ERI3: variants seen among roughly 807,000 people sequenced by gnomAD.
ERI3 encodes ERI1 exoribonuclease family member 3, also known as ERI1 exoribonuclease 3.
In ERI3, 18 loss-of-function variants were observed where a neutral mutation model predicts 44.4. That is an observed-to-expected ratio of 0.41 (90% confidence interval 0.28 to 0.60). The LOEUF (loss-of-function observed/expected upper bound fraction) is 0.60. Ranked by LOEUF, ERI3 falls within the 20% of genes least tolerant of loss-of-function variation. The pLI is 0.36. For missense variants in ERI3, 294 were observed against 435.5 expected, an observed-to-expected ratio of 0.68 and a Z score of 2.89; for synonymous variants, 183 against 164.8, an observed-to-expected ratio of 1.11 and a Z score of -0.84.
At chr1:44,270,038 A>G (rs1645059734) in intron 7 of ERI3, among the ~76,000 whole-genome samples, 1 of 152,222 alleles carries the variant, frequency 6.6e-6, no homozygotes, top group South Asian at 2.1e-4. Flanking sequence ...TGGGAGATGG[A>G]AGGCAGGACT....
intron 8 of ERI3, among the ~76,000 whole-genome samples, chr1:44,227,912 G>C (rs1362263224): frequency 2.0e-5 from 3 of 152,148 alleles, no homozygotes; most frequent in Admixed American, 1.3e-4. Flanking sequence ...TTCCCTCAAA[G>C]TGTTGTTAAA....
chr1:44,221,162 G>A lies in ERI3; in HGVS notation c.*396C>T, dbSNP rs908570703. 21 of 286,682 alleles carry A rather than the reference G, an allele frequency of 7.3e-5. 1 individual carries two copies. In the South Asian group the frequency reaches 8.1e-4, roughly 11 times the overall value. The allele number at this position is 286,682 out of a possible 1,614,324, so 17.8% of individuals were successfully genotyped here. ...TGGGGGTAGACACAAGGTGGGGCCT[G>A]ATCTGTCCTGGAGCCCTGGGGGCAC... On this transcript the variant is annotated 3_prime_UTR_variant, in exon 9 of 9. Transcript: ENST00000372257. This position sits in a 1 kb window ranked among gnomAD's most constrained non-coding sequence, Gnocchi z 5.9.
chr1:44,251,914 G>A (rs1054902036), intron 7 of ERI3, among the ~76,000 whole-genome samples: 4 of 152,222 alleles, frequency 2.6e-5, no homozygotes, highest in Non-Finnish European at 5.9e-5. Flanking sequence ...GGGCCCAGAA[G>A]CTTTCTGATC....
chr1:44,317,678 C>A (rs1053214520), intron 4 of ERI3, among the ~76,000 whole-genome samples: 1 of 152,016 alleles, frequency 6.6e-6, no homozygotes, highest in Non-Finnish European at 1.5e-5. Flanking sequence ...CTGATCAGTT[C>A]TATGTTGGAA....
intron 2 of ERI3, among the ~76,000 whole-genome samples, chr1:44,339,804 C>A (rs530601550): frequency 6.6e-6 from 1 of 152,324 alleles, no homozygotes; most frequent in East Asian, 1.9e-4. Context: ...CCACTAGGAG[C>A]CATTTGCCCC....
At chr1:44,229,517 T>C (rs1295376434) in intron 8 of ERI3, among the ~76,000 whole-genome samples, 1 of 152,074 alleles carries the variant, frequency 6.6e-6, no homozygotes, top group Non-Finnish European at 1.5e-5. Flanking sequence ...CCCGCCCTGA[T>C]TGGGATCAGA....
intron 8 of ERI3, among the ~76,000 whole-genome samples, chr1:44,227,858 T>C (rs1271635297): frequency 6.6e-6 from 1 of 152,172 alleles, no homozygotes; most frequent in Non-Finnish European, 1.5e-5. Flanking sequence ...TTGTTTTGGT[T>C]TCTTCTTCTC....
At chr1:44,311,032 A>T (rs1025320410) in intron 5 of ERI3, among the ~76,000 whole-genome samples, 34 of 147,324 alleles carry the variant, frequency 2.3e-4, no homozygotes, top group Non-Finnish European at 4.2e-4. Context: ...GGAATCCATG[A>T]ATCCTTTCCC....
chr1:44,270,580 C>T (rs1645069746), intron 7 of ERI3, among the ~76,000 whole-genome samples: 1 of 152,208 alleles, frequency 6.6e-6, no homozygotes, highest in East Asian at 1.9e-4. Flanking sequence ...GCCCAGAATT[C>T]ACTTCCTCAA....
At chr1:44,227,116 G>A (rs1644064542) in intron 8 of ERI3, among the ~76,000 whole-genome samples, 1 of 152,198 alleles carries the variant, frequency 6.6e-6, no homozygotes, top group Non-Finnish European at 1.5e-5. Flanking sequence ...AGGGTGGCAA[G>A]CTGCTGATCT....
intron 7 of ERI3, among the ~76,000 whole-genome samples, chr1:44,263,773 C>T (rs1644937987): frequency 6.6e-6 from 1 of 152,184 alleles, no homozygotes; most frequent in East Asian, 1.9e-4. Context: ...CACTCTTGCC[C>T]CTCCCCTGGC....
At chr1:44,282,787 CA>C (rs1447880295) in intron 7 of ERI3, among the ~76,000 whole-genome samples, 1 of 152,248 alleles carries the variant, frequency 6.6e-6, no homozygotes, top group Non-Finnish European at 1.5e-5. Flanking sequence ...ACGAGGAAAT[CA>C]CAAGGCCAAC....
At chr1:44,246,146 T>C (rs887763420) in intron 8 of ERI3, among the ~76,000 whole-genome samples, 2 of 152,170 alleles carry the variant, frequency 1.3e-5, no homozygotes, top group African/African-American at 4.8e-5. Context: ...GGCCTGCTTA[T>C]ATCTCTGTTT....
chr1:44,316,878 G>A (rs1415243293), intron 4 of ERI3, among the ~76,000 whole-genome samples: 1 of 152,142 alleles, frequency 6.6e-6, no homozygotes, highest in African/African-American at 2.4e-5. Context: ...AGAGGTCAAA[G>A]GGAAAGGGCT....
chr1:44,319,541 G>A (rs1208541682), intron 4 of ERI3, 87 bp downstream of exon 4: 1 of 843,580 alleles, frequency 1.2e-6, no homozygotes, highest in Non-Finnish European at 2.0e-6. Flanking sequence ...TAAGCCCTAT[G>A]CTTTCTCTAA....
chr1:44,246,777 A>G (rs570960135), intron 8 of ERI3, among the ~76,000 whole-genome samples: 1 of 152,306 alleles, frequency 6.6e-6, no homozygotes, highest in East Asian at 1.9e-4. Flanking sequence ...GAGAACAGAA[A>G]CTTCTACTTA....
At chr1:44,324,560 C>T (rs1351957666) in intron 3 of ERI3, among the ~76,000 whole-genome samples, 1 of 144,450 alleles carries the variant, frequency 6.9e-6, no homozygotes, top group Non-Finnish European at 1.5e-5. Context: ...TGGCTCACTG[C>T]AAGCTCTGCC....
chr1:44,293,933 C>A (rs1645559470), intron 6 of ERI3, among the ~76,000 whole-genome samples: 1 of 152,178 alleles, frequency 6.6e-6, no homozygotes, highest in Admixed American at 6.5e-5. Context: ...CAGGGTGAAC[C>A]CAGCCGGGCA....
At chr1:44,242,093 G>T in intron 8 of ERI3, 1 of 985,502 alleles carries the variant, frequency 1.0e-6, no homozygotes, top group Non-Finnish European at 1.2e-6. Flanking sequence ...GTCAATGATG[G>T]GAGAGTTAAC....
Sources: allele counts gnomAD v4.1 joint callset (sites outside exome capture counted in the v4.1 genomes callset), GRCh38; gene constraint gnomAD v4.1.1; non-coding constraint Gnocchi (gnomAD v3.1); transcripts MANE v1.5; gene names NCBI Gene and HGNC (gene_info 2026-07-23, HGNC 2026-07-21).